Variants in USP32 observed in about 807,000 individuals in gnomAD.
USP32 encodes ubiquitin carboxyl-terminal hydrolase 32.
Under a neutral mutation model 204.8 loss-of-function variants are expected in USP32, and 59 were observed. The observed-to-expected ratio is 0.29, with a 90% CI of 0.23 to 0.36. USP32 has a LOEUF of 0.36. USP32 is among the 10% of genes least tolerant of loss of function. The pLI is 1.00. For synonymous variants in USP32, 517 were observed against 678.4 expected, an observed-to-expected ratio of 0.76 and a Z score of 3.70; for missense variants, 1,160 against 1,946.4, an observed-to-expected ratio of 0.60 and a Z score of 7.60.
chr17:60,409,102 C>CT (rs2089999436), intron 1 of USP32, among the ~76,000 whole-genome samples: 1 of 152,154 alleles, frequency 6.6e-6, no homozygotes, highest in South Asian at 2.1e-4. Flanking sequence ...AATCCCAGCA[C>CT]TTTGGGAGGC....
At chr17:60,394,187 AGAC>A, upstream of USP32, among the ~76,000 whole-genome samples, 1 of 152,324 alleles carries the variant, frequency 6.6e-6, no homozygotes, top group Non-Finnish European at 1.5e-5. Flanking sequence ...CGGTATAGAG[AGAC>A]ATCAGGCAAA....
chr17:60,309,354 T>C (rs8067583), intron 2 of USP32, among the ~76,000 whole-genome samples: 32,337 of 151,976 alleles, frequency 0.21, 8,532 homozygotes, highest in African/African-American at 0.63. Flanking sequence ...ATTCCCAGCA[T>C]TTTGGGAGGC....
chr17:60,225,885 T>G (rs927713524), intron 13 of USP32, among the ~76,000 whole-genome samples, 154 bp downstream of exon 13: 1 of 146,106 alleles, frequency 6.8e-6, no homozygotes, highest in East Asian at 2.0e-4. Context: ...ACCCAGAAGG[T>G]GGAGGTTGCA....
intron 5 of USP32, among the ~76,000 whole-genome samples, chr17:60,283,640 G>T (rs927555530): frequency 6.6e-6 from 1 of 150,558 alleles, no homozygotes; most frequent in South Asian, 2.1e-4. Flanking sequence ...TATCAACCAG[G>T]ATATAAAACA....
At chr17:60,206,293 G>T (rs2084823396) in intron 25 of USP32, among the ~76,000 whole-genome samples, 1 of 145,570 alleles carries the variant, frequency 6.9e-6, no homozygotes, top group African/African-American at 2.8e-5. Flanking sequence ...CTCCAGGCTG[G>T]GTGACAGAGT....
At chr17:60,411,322 C>CAAAAATAAATAAATAA (rs2090016398) in intron 1 of USP32, among the ~76,000 whole-genome samples, 1 of 130,118 alleles carries the variant, frequency 7.7e-6, no homozygotes, top group Non-Finnish European at 1.5e-5. Context: ...AAAACTGTCT[C>CAAAAATAAATAAATAA]AAAAATAAAT....
At chr17:60,272,960 G>A (rs754348710) in intron 5 of USP32, among the ~76,000 whole-genome samples, 3 of 152,126 alleles carry the variant, frequency 2.0e-5, no homozygotes, top group African/African-American at 4.8e-5. Context: ...CAAATGCCGG[G>A]AAATTTGTTT....
chr17:60,379,377 G>A (rs1223855996), intron 1 of USP32, among the ~76,000 whole-genome samples: 2 of 151,954 alleles, frequency 1.3e-5, no homozygotes, highest in African/African-American at 4.8e-5. Flanking sequence ...ACTGACATAG[G>A]GAAATGCACA....
At chr17:60,205,320 T>G in intron 26 of USP32, 127 bp downstream of exon 26, 2 of 1,365,704 alleles carry the variant, frequency 1.5e-6, no homozygotes, top group Non-Finnish European at 1.9e-6. Context: ...GTAAAATTAT[T>G]AAATTTTAAA....
chr17:60,299,068 G>A (rs1363592498), intron 3 of USP32, among the ~76,000 whole-genome samples: 1 of 152,144 alleles, frequency 6.6e-6, no homozygotes, highest in East Asian at 1.9e-4. Context: ...GGAGTTAAGG[G>A]CTGCAGTGAG....
intron 3 of USP32, among the ~76,000 whole-genome samples, chr17:60,300,914 T>A (rs999597570): frequency 1.3e-5 from 2 of 152,198 alleles, no homozygotes; most frequent in Non-Finnish European, 2.9e-5. Context: ...ATTTGCCTAA[T>A]CTTGAAATTT....
intron 1 of USP32, among the ~76,000 whole-genome samples, chr17:60,378,378 C>T (rs1332576651): frequency 6.6e-6 from 1 of 152,084 alleles, no homozygotes; most frequent in Non-Finnish European, 1.5e-5. Context: ...GCTGTGGAAA[C>T]CAGTTTAGCT....
At position 60,226,220 on chromosome 17, in the gene USP32, A is replaced by G. The variant is rs545313365; in HGVS notation, c.1251T>C (p.Pro417=). 2 of 1,544,736 alleles carry G rather than the reference A, an allele frequency of 1.3e-6. No individual in the cohort carries two copies. Among genetic ancestry groups the G allele is most frequent in the East Asian group, 4.9e-5 (2 of 41,028 alleles). The part of the protein sequence containing the change: ...WKEYVKYDAN[P]VVIEPSSVLN... ...AAACAGATGATGGCTCAATTACCACAGGGTTGGCATCCTAAAATCAGGAAA... is the reference window on the plus strand; with the variant it reads ...AAACAGATGATGGCTCAATTACCACGGGGTTGGCATCCTAAAATCAGGAAA... The change falls in exon 13 of 34, where the codon CCT becomes CCC. Residue 417 remains proline (P), a synonymous_variant. Transcript: ENST00000300896.
At chr17:60,198,216 TAG>T in intron 27 of USP32, 42 bp downstream of exon 27, 1 of 1,592,350 alleles carries the variant, frequency 6.3e-7, no homozygotes, top group Non-Finnish European at 8.5e-7. Context: ...ATTATTTTTC[TAG>T]AGTTTGGAAA....
rs2084041899 is a variant in USP32, at chr17:60,179,378, A to G, written c.4692T>C (p.Tyr1564=). The G allele has an allele frequency of 1.2e-6, 2 of 1,613,240 alleles. No homozygotes were observed. Among genetic ancestry groups the G allele is most frequent in the Non-Finnish European group, 1.7e-6 (2 of 1,179,858 alleles). The change falls in exon 34 of 34, where the codon TAT becomes TAC. Residue 1564 remains tyrosine, a synonymous_variant. Transcript: ENST00000300896. ...IDTDSAYILF[Y]EQQGIDYAQF... Reference sequence around the variant, plus strand: ...GTGCATAGTCTATCCCCTGCTGCTCATAGAAAAGAATGTAGGCAGAGTCGG... The same window carrying G: ...GTGCATAGTCTATCCCCTGCTGCTCGTAGAAAAGAATGTAGGCAGAGTCGG...
chr17:60,208,515 C>T (rs1309080005), intron 23 of USP32, 139 bp downstream of exon 23: 1 of 1,313,830 alleles, frequency 7.6e-7, no homozygotes, highest in Non-Finnish European at 9.8e-7. Flanking sequence ...CAAGTCATGC[C>T]TAAAATTAGG....
At chr17:60,236,027 A>C in intron 12 of USP32, 111 bp downstream of exon 12, 1 of 846,982 alleles carries the variant, frequency 1.2e-6, no homozygotes, top group Non-Finnish European at 2.0e-6. Flanking sequence ...TCTTTATTTA[A>C]GTTGGAGCAT....
At chr17:60,348,679 G>A (rs2088849452) in intron 1 of USP32, among the ~76,000 whole-genome samples, 1 of 151,902 alleles carries the variant, frequency 6.6e-6, no homozygotes, top group Non-Finnish European at 1.5e-5. Flanking sequence ...GAGATGGGAG[G>A]ATCACTTGAG....
rs77906461 is a variant in USP32, at chr17:60,338,077, C to A, written c.186+7404G>T. Among the ~76,000 whole-genome samples the A allele has an allele frequency of 6.1e-3, 921 of 152,178 alleles. 6 individuals carry two copies. Among genetic ancestry groups the A allele is most frequent in the Non-Finnish European group, 9.5e-3 (644 of 67,992 alleles). ...GGTGGCTCATGCCTTGTAATCCAGT[C>A]CCCTGGGAGGCTAGGACAGGCAGAT... On this transcript the variant is annotated intron_variant, in intron 2 of 33. Coordinates refer to ENST00000300896, the MANE Select transcript of USP32 (RefSeq NM_032582.4).
Sources: allele counts gnomAD v4.1 joint callset (sites outside exome capture counted in the v4.1 genomes callset), GRCh38; gene constraint gnomAD v4.1.1; transcripts MANE v1.5; gene names NCBI Gene and HGNC (gene_info 2026-07-23, HGNC 2026-07-21).